KLHL13: variants seen among roughly 807,000 people sequenced by gnomAD.
KLHL13 encodes the protein kelch like family member 13.
KLHL13 carries 10 observed loss-of-function variants against 37.1 expected under a neutral mutation model. The ratio of observed to expected loss-of-function variants is 0.27; its 90% confidence interval spans 0.17 to 0.46. The LOEUF is 0.46. KLHL13 is among the 20% of genes least tolerant of loss of function. The pLI is 1.00. For missense variants in KLHL13, 360 were observed against 509.3 expected (o/e 0.71, Z 2.82); for synonymous variants, 163 against 181.2 (o/e 0.90, Z 0.81).
intron 1 of KLHL13, among the ~76,000 whole-genome samples, chrX:117,997,744 C>G (rs1269570637): frequency 3.6e-5 from 4 of 111,519 alleles, no homozygotes; most frequent in African/African-American, 6.5e-5. Context: ...CCTGTTTCCT[C>G]ATTTGTTCCC....
intron 1 of KLHL13, 171 bp from the exon 3 acceptor site, chrX:117,945,746 T>C (rs73595665): frequency 0.011 from 4,226 of 399,123 alleles, 144 homozygotes; most frequent in African/African-American, 0.093. Flanking sequence ...AGAAGAAATG[T>C]ATATTTGTAA....
At chrX:118,015,741 C>A (rs2054120835) in intron 1 of KLHL13, among the ~76,000 whole-genome samples, 1 of 111,714 alleles carries the variant, frequency 9.0e-6, no homozygotes, top group African/African-American at 3.2e-5. Flanking sequence ...TGATAAATTT[C>A]ATGTGCGTCT....
intron 1 of KLHL13, among the ~76,000 whole-genome samples, chrX:118,029,797 C>A (rs773982720): frequency 1.8e-5 from 2 of 109,990 alleles, no homozygotes; most frequent in African/African-American, 6.6e-5. Context: ...GACAACACCC[C>A]GTCTCTATAA....
At chrX:117,983,427 T>G in intron 1 of KLHL13, 1 of 761,582 alleles carries the variant, frequency 1.3e-6, no homozygotes, top group Admixed American at 3.5e-5. Flanking sequence ...TGAAAACCAA[T>G]TCGCACTGAA....
In KLHL13 at chrX:118,020,993, G is replaced by A. The variant is rs373851970; in HGVS notation, c.-55-75418C>T. On this transcript the variant is annotated intron_variant, in intron 1 of 6. Coordinates refer to the KLHL13 transcript ENST00000371882. ...ACATCACACTCTGGGGACTGTTGTG[G>A]GGTGGGGGGAGGGGGGAGGGATAGC... 1.8e-4 allele frequency among the ~76,000 whole-genome samples: 11 copies of A among 61,192 alleles called. 1 individual carries two copies. In the East Asian group the frequency reaches 7.0e-3, roughly 39 times the overall value. 53.1% of individuals were successfully genotyped at this position (61,192 alleles called of 115,157 possible).
chrX:118,093,150 A>G (rs2055158186), intron 1 of KLHL13, among the ~76,000 whole-genome samples: 1 of 111,796 alleles, frequency 8.9e-6, no homozygotes, highest in African/African-American at 3.2e-5. Flanking sequence ...TTACATTGCT[A>G]ATTTGTCATT....
intron 1 of KLHL13, among the ~76,000 whole-genome samples, chrX:117,950,830 TAGC>T (rs1933556156): frequency 8.9e-6 from 1 of 112,702 alleles, no homozygotes; most frequent in South Asian, 3.7e-4. Context: ...AAGTGTCTGC[TAGC>T]AGCAGCATTT....
Position 117,934,806 on chromosome X carries a change from G to A in KLHL13, c.240+10628C>T, listed in dbSNP as rs1161984769. Among the ~76,000 whole-genome samples, 6 of 109,679 alleles carry A rather than the reference G, an allele frequency of 5.5e-5. No homozygotes were observed. The Admixed American group carries it at 5.8e-4, about 11-fold the overall frequency. On this transcript the variant is annotated intron_variant, in intron 2 of 6. Transcript: ENST00000262820. ...GTTTTGGTTTGTTTTCTTCTTTCCT[G>A]GTGACTTGGCACAGAACAAGAATAA...
At chrX:117,946,424 A>G (rs1247548768) in intron 1 of KLHL13, 1 of 112,419 alleles carries the variant, frequency 8.9e-6, no homozygotes, top group East Asian at 2.8e-4. Flanking sequence ...TGCAAAGAGA[A>G]TATGACAATA....
At chrX:118,000,133 CT>C (rs888798695) in intron 1 of KLHL13, among the ~76,000 whole-genome samples, 2 of 111,572 alleles carry the variant, frequency 1.8e-5, no homozygotes, top group Non-Finnish European at 3.8e-5. Context: ...ATCAGTTAAC[CT>C]AAGTGCACAT....
chrX:118,060,543 C>A (rs934552979), intron 1 of KLHL13, among the ~76,000 whole-genome samples: 1 of 110,939 alleles, frequency 9.0e-6, no homozygotes, highest in Non-Finnish European at 1.9e-5. Flanking sequence ...GTACCAGACA[C>A]TTTACATTAG....
chrX:118,077,252 A>G lies in KLHL13; in HGVS notation c.-56+39256T>C, dbSNP rs138432612. On this transcript the variant is annotated intron_variant, in intron 1 of 6. Coordinates refer to the KLHL13 transcript ENST00000371882. ...AGCAATCAAACATCTATATGAGGCA[A>G]TGCCAAATGTGATCAATTCTATAAG... 7.8e-3 allele frequency among the ~76,000 whole-genome samples: 864 copies of G among 111,453 alleles called. 11 individuals carry two copies. Among genetic ancestry groups the G allele is most frequent in the African/African-American group, 0.026 (792 of 30,732 alleles).
chrX:117,987,429 T>C (rs1040981705), intron 1 of KLHL13, among the ~76,000 whole-genome samples: 15 of 111,249 alleles, frequency 1.3e-4, no homozygotes, highest in Non-Finnish European at 5.7e-5. Flanking sequence ...GTTAATAATG[T>C]TAGCTAGGAG....
chrX:117,997,429 A>G (rs2053867484), intron 1 of KLHL13, among the ~76,000 whole-genome samples: 2 of 112,047 alleles, frequency 1.8e-5, no homozygotes, highest in South Asian at 7.4e-4. Context: ...TATCTTGTAG[A>G]TTTTACTGCC....
chrX:117,965,781 T>G (rs961325806), intron 1 of KLHL13, among the ~76,000 whole-genome samples: 7 of 111,793 alleles, frequency 6.3e-5, no homozygotes, highest in African/African-American at 2.3e-4. Context: ...ATCCAGCATA[T>G]AAACAGAACT....
At chrX:117,941,359 T>G (rs951400536) in intron 2 of KLHL13, among the ~76,000 whole-genome samples, 1 of 111,654 alleles carries the variant, frequency 9.0e-6, no homozygotes, top group African/African-American at 3.3e-5. Flanking sequence ...ATAAAAAGAG[T>G]TAGGGAATAT....
At chrX:118,100,640 C>T (rs904815451) in intron 1 of KLHL13, among the ~76,000 whole-genome samples, 2 of 111,420 alleles carry the variant, frequency 1.8e-5, no homozygotes, top group African/African-American at 6.5e-5. Context: ...GTATTACTCG[C>T]CTACTTAAAA....
chrX:118,048,867 T>C (rs1295718970), intron 1 of KLHL13, among the ~76,000 whole-genome samples: 1 of 111,982 alleles, frequency 8.9e-6, no homozygotes, highest in Admixed American at 9.5e-5. Context: ...CCTTAAAATA[T>C]TCAATATAGC....
chrX:117,953,762 T>A (rs940125900), intron 1 of KLHL13, among the ~76,000 whole-genome samples: 1 of 110,832 alleles, frequency 9.0e-6, no homozygotes, highest in Non-Finnish European at 1.9e-5. Flanking sequence ...AATGCTTAAT[T>A]TATAAGCACA....
Sources: gnomAD v4.1 joint callset for allele counts (sites outside exome capture counted in the v4.1 genomes callset) on GRCh38, gnomAD v4.1.1 for gene constraint, MANE v1.5 for transcripts, NCBI Gene and HGNC (gene_info 2026-07-23, HGNC 2026-07-21) for gene names.